NLRP3: variants seen among roughly 807,000 people sequenced by gnomAD.
The protein encoded by NLRP3 is NACHT, LRR and PYD domains-containing protein 3.
Under a neutral mutation model 91.3 loss-of-function variants are expected in NLRP3, and 48 were observed. The ratio of observed to expected loss-of-function variants is 0.53; its 90% CI spans 0.42 to 0.67. The LOEUF (loss-of-function observed/expected upper bound fraction) is 0.67, where lower values mean the gene tolerates loss of function less well. Ranked by LOEUF, NLRP3 falls within the 30% of genes least tolerant of loss-of-function variation. The pLI is 0.00. For missense variants in NLRP3, 982 were observed against 1,276.9 expected (o/e 0.77, Z 3.52); for synonymous variants, 561 against 507.9 (o/e 1.10, Z -1.41).
At chr1:247,423,129 TG>T in intron 2 of NLRP3, 100 bp from the exon 3 acceptor site, 2 of 1,491,634 alleles carry the variant, frequency 1.3e-6, no homozygotes, top group Non-Finnish European at 1.9e-6. Context: ...ATTTGGGGGA[TG>T]TTTGGGGTCT....
intron 9 of NLRP3, among the ~76,000 whole-genome samples, chr1:247,447,953 A>C (rs865981012): frequency 2.6e-5 from 4 of 152,122 alleles, no homozygotes; most frequent in Middle Eastern, 3.5e-3. Flanking sequence ...ATGTATGCTT[A>C]ACATTTTCCC....
rs373072876 is a variant in NLRP3, at chr1:247,433,710, C to T, written c.2322-393C>T. On this transcript the variant is annotated intron_variant, in intron 5 of 9. Coordinates refer to ENST00000336119, the MANE Select transcript of NLRP3 (RefSeq NM_001243133.2). ...GTGTGTCCTGATGCTTTCTCTATTC[C>T]GGAGCTCTCTGGTCAGGTGTGTCCT... is the stretch of plus-strand genomic sequence containing the variant. Among the ~76,000 whole-genome samples the T allele has an allele frequency of 1.1e-3, 113 of 105,726 alleles. 3 individuals carry two copies. The East Asian group carries it at 0.016, about 15-fold the overall frequency. The allele number at this position is 105,726 out of a possible 152,430, so 69.4% of individuals were successfully genotyped here. A position where few individuals can be genotyped will look rare whatever the true frequency, so the allele number is the denominator to read the frequency against.
rs141642211 is a variant in NLRP3, at chr1:247,420,772, C to T, written c.277+1695C>T. ...TGGTTTTTTCTCTTTTCCCCTCTCA[C>T]GGTAGTGCTATGAGAAGGTGGAGGC... On this transcript the variant is annotated intron_variant, in intron 2 of 9. Transcript: ENST00000336119. Among the ~76,000 whole-genome samples the T allele has an allele frequency of 7.1e-3, 1,082 of 152,118 alleles. 12 individuals are homozygous for T. The highest frequency in any genetic ancestry group is 0.025 in the African/African-American group (1,048 of 41,510).
In NLRP3 at chr1:247,425,717, A is replaced by C; in HGVS notation, c.2150+118A>C. Reference sequence around the variant, plus strand: ...CAAATACTGTTGCCACAGCTACATCATAATGCCACCACTGTCTGTTTGAGA... The same window carrying C: ...CAAATACTGTTGCCACAGCTACATCCTAATGCCACCACTGTCTGTTTGAGA... On this transcript the variant is annotated intron_variant, in intron 4 of 9. Coordinates refer to ENST00000336119, the MANE Select transcript of NLRP3 (RefSeq NM_001243133.2). This position sits in a 1 kb window ranked among gnomAD's most constrained non-coding sequence, Gnocchi z 4.1. 1 of 909,502 alleles carries C rather than the reference A, an allele frequency of 1.1e-6. No individual in the cohort carries two copies. The highest frequency in any genetic ancestry group is 1.7e-6 in the Non-Finnish European group (1 of 572,060). The allele number at this position is 909,502 out of a possible 1,614,324, so 56.3% of individuals were successfully genotyped here.
In NLRP3 at chr1:247,418,905, C is replaced by T; in HGVS notation, c.105C>T (p.Gly35=). 6.2e-7 allele frequency: 1 copy of T among 1,614,142 alleles called. No homozygotes were observed. The highest frequency in any genetic ancestry group is 1.1e-5 in the South Asian group (1 of 91,082). ...TAGAGGACTATCCTCCCCAGAAGGG[C>T]TGCATCCCCCTCCCGAGGGGTCAGA... ...MHLEDYPPQK[G]CIPLPRGQTE... Residue 35 remains glycine (G), a synonymous_variant, in exon 2 of 10, where the codon GGC becomes GGT. Transcript: ENST00000336119.
chr1:247,423,872 C>T lies in NLRP3; in HGVS notation c.423C>T (p.Tyr141=), dbSNP rs56710146. Residue 141 remains tyrosine (Y), a synonymous_variant, in exon 4 of 10, where the codon TAC becomes TAT. Coordinates refer to ENST00000336119, the MANE Select transcript of NLRP3 (RefSeq NM_001243133.2). ...KKDYRKKYRK[Y]VRSRFQCIED... ...ATTACCGTAAGAAGTACAGAAAGTA[C>T]GTGAGAAGCAGATTCCAGTGCATTG... 1.1e-3 allele frequency: 1,827 copies of T among 1,613,922 alleles called. 25 individuals carry two copies. The African/African-American group carries it at 0.021, about 18-fold the overall frequency.
At chr1:247,419,160 ATATATT>A in intron 2 of NLRP3, 83 bp downstream of exon 2, 1 of 355,138 alleles carries the variant, frequency 2.8e-6, no homozygotes. Context: ...ATATATATAT[ATATATT>A]TTTTTTTGAG....
intron 7 of NLRP3, among the ~76,000 whole-genome samples, chr1:247,438,036 A>C (rs1663919388): frequency 6.6e-6 from 1 of 152,192 alleles, no homozygotes; most frequent in African/African-American, 2.4e-5. Flanking sequence ...TGTAGTTACT[A>C]TTGTCAATAC....
chr1:247,441,139 CTT>C (rs1664202109), intron 7 of NLRP3, among the ~76,000 whole-genome samples: 9 of 66,332 alleles, frequency 1.4e-4, no homozygotes, highest in Non-Finnish European at 2.8e-4. Context: ...CTCTTTCTTT[CTT>C]TCTTTCTCTC....
chr1:247,447,499 G>A (rs919027855), intron 9 of NLRP3, among the ~76,000 whole-genome samples: 1 of 152,198 alleles, frequency 6.6e-6, no homozygotes, highest in Non-Finnish European at 1.5e-5. Flanking sequence ...ACCAAATTGA[G>A]ATGGTTATAA....
intron 1 of NLRP3, among the ~76,000 whole-genome samples, chr1:247,417,079 A>G (rs1301251345): frequency 3.3e-5 from 5 of 152,230 alleles, no homozygotes; most frequent in African/African-American, 1.2e-4. Flanking sequence ...CTCACAGTCT[A>G]GTTGGGAAGA....
At chr1:247,442,509 T>C (rs1434298599) in intron 7 of NLRP3, among the ~76,000 whole-genome samples, 1 of 152,092 alleles carries the variant, frequency 6.6e-6, no homozygotes, top group Non-Finnish European at 1.5e-5. Context: ...CTTAATTCCA[T>C]CGAGATTGAT....
chr1:247,439,082 G>A (rs567062233), intron 7 of NLRP3, among the ~76,000 whole-genome samples: 1 of 69,088 alleles, frequency 1.4e-5, no homozygotes, highest in East Asian at 5.1e-4. Context: ...GGGAGTATCA[G>A]AGCTTTGTGA....
chr1:247,424,661 C>T lies in NLRP3; in HGVS notation c.1212C>T (p.Phe404=). 1 of 1,614,258 alleles carries T rather than the reference C, an allele frequency of 6.2e-7. No homozygotes were observed. The change falls in exon 4 of 10, where the codon TTC becomes TTT. Residue 404 remains phenylalanine, a synonymous_variant. Transcript: ENST00000336119. The surrounding 1 kb of genome is among the most constrained non-coding windows in gnomAD (Gnocchi z 8.1). ...TGATTCAGGAGAACGAGGTCCTCTT[C>T]ACCATGTGCTTCATCCCCCTGGTCT... is the stretch of plus-strand genomic sequence containing the variant. ...FSLIQENEVL[F]TMCFIPLVCW...
intron 6 of NLRP3, among the ~76,000 whole-genome samples, chr1:247,435,123 A>G (rs1487935995): frequency 6.6e-6 from 1 of 152,108 alleles, no homozygotes; most frequent in Non-Finnish European, 1.5e-5. Context: ...ATGGTGGTGC[A>G]TGCCTGTAAT....
At chr1:247,420,521 C>T (rs1332174263) in intron 2 of NLRP3, among the ~76,000 whole-genome samples, 1 of 151,894 alleles carries the variant, frequency 6.6e-6, no homozygotes, top group Non-Finnish European at 1.5e-5. Flanking sequence ...CAACACCAGC[C>T]TGGCCAACAT....
At chr1:247,440,381 C>T (rs1664125464) in intron 7 of NLRP3, among the ~76,000 whole-genome samples, 1 of 152,124 alleles carries the variant, frequency 6.6e-6, no homozygotes, top group Non-Finnish European at 1.5e-5. Flanking sequence ...GTCCTAAATG[C>T]TCTGCTTTCG....
intron 5 of NLRP3, among the ~76,000 whole-genome samples, chr1:247,430,900 T>A (rs1663268010): frequency 6.6e-6 from 1 of 151,858 alleles, no homozygotes; most frequent in African/African-American, 2.4e-5. Flanking sequence ...CCCGAGTAGC[T>A]GGGACTACAG....
At chr1:247,444,210 G>A in intron 8 of NLRP3, 68 bp downstream of exon 8, 1 of 1,477,558 alleles carries the variant, frequency 6.8e-7, no homozygotes, top group South Asian at 1.1e-5. Flanking sequence ...CGTTTAGGCA[G>A]AGTGGCCACA....
Sources: allele counts gnomAD v4.1 joint callset (sites outside exome capture counted in the v4.1 genomes callset), GRCh38; gene constraint gnomAD v4.1.1; non-coding constraint Gnocchi (gnomAD v3.1); transcripts MANE v1.5; gene names NCBI Gene and HGNC (gene_info 2026-07-23, HGNC 2026-07-21).